Variants in STS observed in about 807,000 individuals in gnomAD.
STS encodes the protein steryl-sulfatase.
A neutral mutation model predicts 26.8 loss-of-function variants in STS; 7 were observed. The ratio of observed to expected loss-of-function variants is 0.26; its 90% CI spans 0.15 to 0.49. The LOEUF (loss-of-function observed/expected upper bound fraction) is 0.49, where lower values mean the gene tolerates loss of function less well. STS is among the 20% of genes least tolerant of loss of function. The pLI, the probability that STS is intolerant of heterozygous loss-of-function variation, is 0.98. For missense variants in STS, 434 were observed against 465.6 expected (o/e 0.93, Z 0.63); for synonymous variants, 199 against 189.4 (o/e 1.05, Z -0.42).
chrX:7,244,389 C>A (rs1176672489), intron 2 of STS, among the ~76,000 whole-genome samples: 1 of 111,588 alleles, frequency 9.0e-6, no homozygotes. Flanking sequence ...CTGTTAACAC[C>A]GAAGATGTAC....
chrX:7,308,918 A>G (rs1440853573), intron 8 of STS, among the ~76,000 whole-genome samples: 1 of 112,090 alleles, frequency 8.9e-6, no homozygotes, highest in Non-Finnish European at 1.9e-5. Flanking sequence ...CAGAGAAATC[A>G]TAGGATTTAA....
chrX:7,238,809 G>A (rs1313292410), intron 2 of STS, among the ~76,000 whole-genome samples: 1 of 110,587 alleles, frequency 9.0e-6, no homozygotes, highest in African/African-American at 3.3e-5. Context: ...TCCAATCTGG[G>A]TGACAGAGTG....
chrX:7,274,989 A>G (rs750572219), intron 6 of STS, among the ~76,000 whole-genome samples: 130 of 112,028 alleles, frequency 1.2e-3, no homozygotes, highest in African/African-American at 4.0e-3. Context: ...ATTTTTGACA[A>G]CATGGATGAA....
chrX:7,193,492 A>G (rs1167096897), intron 2 of STS, among the ~76,000 whole-genome samples: 1 of 108,341 alleles, frequency 9.2e-6, no homozygotes, highest in African/African-American at 3.4e-5. Flanking sequence ...GGAGAGATTG[A>G]CATTCCCTAG....
chrX:7,320,055 A>ATATATATATTTATATATTATATATATT (rs1926935160), intron 8 of STS, among the ~76,000 whole-genome samples: 2 of 92,683 alleles, frequency 2.2e-5, no homozygotes, highest in Non-Finnish European at 4.1e-5. Flanking sequence ...ATATATATTT[A>ATATATATATTTATATATTATATATATT]TATATATATT....
rs6638663 is a variant in STS at position 7,194,359 on chromosome X, T to A, written c.-5+3351T>A. Among the ~76,000 whole-genome samples the A allele has an allele frequency of 3.7e-3, 415 of 111,478 alleles. 8 individuals are homozygous for A. In the East Asian group the frequency reaches 0.09, roughly 24 times the overall value. On this transcript the variant is annotated intron_variant, in intron 2 of 10. Coordinates refer to ENST00000674429, the MANE Select transcript of STS (RefSeq NM_001320752.2). The stretch of plus-strand genomic sequence containing the variant: ...TACATACCAGTCTTAGGTTTTACAA[T>A]AGTGATGTTATCTATAGGGGCAATC...
At chrX:7,209,647 T>C (rs975203254) in intron 2 of STS, among the ~76,000 whole-genome samples, 3 of 108,859 alleles carry the variant, frequency 2.8e-5, no homozygotes, top group Non-Finnish European at 5.7e-5. Context: ...ATTTTTAAAT[T>C]TTTTTCTTTT....
intron 2 of STS, among the ~76,000 whole-genome samples, chrX:7,250,102 A>AT (rs1277937319): frequency 9.1e-6 from 1 of 109,574 alleles, no homozygotes; most frequent in South Asian, 3.9e-4. Context: ...AAATTTTTAA[A>AT]TTTTTTTGTA....
intron 10 of STS, among the ~76,000 whole-genome samples, chrX:7,341,900 C>G (rs1346420249): frequency 9.0e-6 from 1 of 110,518 alleles, no homozygotes; most frequent in Non-Finnish European, 1.9e-5. Context: ...GCAAACTCCA[C>G]CTCCAGGTTC....
intron 2 of STS, among the ~76,000 whole-genome samples, chrX:7,221,252 G>A (rs1334226985): frequency 8.9e-6 from 1 of 112,130 alleles, no homozygotes; most frequent in African/African-American, 3.2e-5. Flanking sequence ...ACTTCTCAAG[G>A]TCTTTTCTGA....
At chrX:7,281,163 CAA>C (rs375403377) in intron 7 of STS, among the ~76,000 whole-genome samples, 14 of 28,859 alleles carry the variant, frequency 4.9e-4, no homozygotes, top group Admixed American at 4.1e-4. Flanking sequence ...GAGATTCCAT[CAA>C]AAAAAAAAAA....
At chrX:7,307,223 G>A (rs1043317630) in intron 8 of STS, among the ~76,000 whole-genome samples, 4 of 111,442 alleles carry the variant, frequency 3.6e-5, no homozygotes, top group Non-Finnish European at 5.7e-5. Context: ...ATGAACCGGT[G>A]TGTTTAATCT....
At chrX:7,212,967 C>G (rs1485733252) in intron 2 of STS, among the ~76,000 whole-genome samples, 1 of 111,462 alleles carries the variant, frequency 9.0e-6, no homozygotes, top group African/African-American at 3.3e-5. Context: ...TTAGTTGAGA[C>G]ACTCTCCTGA....
At chrX:7,299,477 G>A (rs1267931390) in intron 7 of STS, among the ~76,000 whole-genome samples, 1 of 103,756 alleles carries the variant, frequency 9.6e-6, no homozygotes. Flanking sequence ...ATACATATAT[G>A]TGTGTGTGTT....
At chrX:7,265,109 A>G (rs768728432) in intron 6 of STS, among the ~76,000 whole-genome samples, 1 of 108,323 alleles carries the variant, frequency 9.2e-6, no homozygotes, top group African/African-American at 3.4e-5. Context: ...ATGATTGACC[A>G]TGCTCTTACC....
rs555272547 is a variant in STS at position 7,169,594 on chromosome X, C to A, written c.-133-21286C>A. On this transcript the variant is annotated intron_variant, in intron 1 of 10. Transcript: ENST00000674429. ...TATGGTAATTCAACTTTTTAAGGAACCACCATACTGTTATCCACAGCAAGT... is the reference window on the plus strand; with the variant it reads ...TATGGTAATTCAACTTTTTAAGGAAACACCATACTGTTATCCACAGCAAGT... 2.6e-4 allele frequency among the ~76,000 whole-genome samples: 29 copies of A among 111,982 alleles called. No individual in the cohort carries two copies. In the South Asian group the frequency reaches 9.7e-3, roughly 38 times the overall value.
At chrX:7,201,000 C>T (rs771680890) in intron 2 of STS, among the ~76,000 whole-genome samples, 96 of 108,443 alleles carry the variant, frequency 8.9e-4, no homozygotes, top group Non-Finnish European at 1.6e-3. Flanking sequence ...TAGACAGATA[C>T]GTAGATAAAT....
intron 2 of STS, among the ~76,000 whole-genome samples, chrX:7,200,160 A>G (rs1410446931): frequency 9.2e-6 from 1 of 108,714 alleles, no homozygotes; most frequent in Non-Finnish European, 1.9e-5. Flanking sequence ...TTTAATTCCT[A>G]GTTTTCTTCT....
At position 7,307,002 on chromosome X, in the gene STS, C is replaced by T. The variant is rs1926248261; in HGVS notation, c.1081+1819C>T. 3.6e-5 allele frequency among the ~76,000 whole-genome samples: 4 copies of T among 111,447 alleles called. No homozygotes were observed. In the South Asian group the frequency reaches 1.5e-3, roughly 43 times the overall value. The stretch of plus-strand genomic sequence containing the variant: ...TCTAGTTACGTCTCTGTGTGCACAT[C>T]TGGAGCCCTATGACCGGCTGAGCAC... On this transcript the variant is annotated intron_variant, in intron 8 of 10. Transcript: ENST00000674429.
Sources: gnomAD v4.1 joint callset for allele counts (sites outside exome capture counted in the v4.1 genomes callset) on GRCh38, gnomAD v4.1.1 for gene constraint, MANE v1.5 for transcripts, NCBI Gene and HGNC (gene_info 2026-07-23, HGNC 2026-07-21) for gene names.